The following CATSPERE variants were observed in gnomAD, a reference collection of about 807,000 sequenced individuals.
CATSPERE encodes cation channel sperm-associated auxiliary subunit epsilon.
In CATSPERE, 93 loss-of-function variants were observed where a neutral mutation model predicts 114.1. That is an observed-to-expected ratio of 0.81 (90% CI 0.69 to 0.97). The LOEUF (loss-of-function observed/expected upper bound fraction) is 0.97. CATSPERE is among the 50% of genes least tolerant of loss of function. CATSPERE has a pLI of 0.00. For synonymous variants in CATSPERE, 341 were observed against 384.1 expected (o/e 0.89, Z 1.31); for missense variants, 1,058 against 1,131.6 (o/e 0.93, Z 0.93).
chr1:244,461,539 C>T (rs955940146), intron 1 of CATSPERE, 45 bp downstream of exon 1: 2 of 1,261,722 alleles, frequency 1.6e-6, no homozygotes, highest in Non-Finnish European at 2.0e-6. Flanking sequence ...CGGGGATTAC[C>T]CCCGGCGGGG....
At chr1:244,525,944 T>G (rs1248924050) in intron 8 of CATSPERE, among the ~76,000 whole-genome samples, 1 of 152,226 alleles carries the variant, frequency 6.6e-6, no homozygotes, top group Admixed American at 6.5e-5. Flanking sequence ...GCCGTAGGCT[T>G]TTTCCAACCT....
At chr1:244,581,057 A>T (rs1301276776) in intron 11 of CATSPERE, among the ~76,000 whole-genome samples, 1 of 152,154 alleles carries the variant, frequency 6.6e-6, no homozygotes, top group Non-Finnish European at 1.5e-5. Flanking sequence ...TAGTTTCACA[A>T]CCTACATATG....
At chr1:244,537,976 A>G (rs1237235365) in intron 8 of CATSPERE, among the ~76,000 whole-genome samples, 1 of 152,130 alleles carries the variant, frequency 6.6e-6, no homozygotes, top group Non-Finnish European at 1.5e-5. Context: ...GGATTTTTCT[A>G]TTTCTCTTTG....
intron 8 of CATSPERE, among the ~76,000 whole-genome samples, chr1:244,534,335 T>C (rs1558447176): frequency 6.6e-6 from 1 of 152,162 alleles, no homozygotes; most frequent in Admixed American, 6.6e-5. Flanking sequence ...TGTTATTATC[T>C]CTTTGAATAA....
chr1:244,600,178 C>T (rs574114500), intron 17 of CATSPERE, among the ~76,000 whole-genome samples: 2 of 152,146 alleles, frequency 1.3e-5, no homozygotes, highest in East Asian at 1.9e-4. Context: ...AGAAAGAAGG[C>T]GGACTCTCAG....
At chr1:244,514,445 T>G (rs745862448) in intron 7 of CATSPERE, among the ~76,000 whole-genome samples, 7 of 152,336 alleles carry the variant, frequency 4.6e-5, no homozygotes, top group Non-Finnish European at 1.0e-4. Context: ...TTCTATGTGA[T>G]GTATTCACTC....
intron 5 of CATSPERE, among the ~76,000 whole-genome samples, chr1:244,487,690 G>C (rs144093307): frequency 6.6e-6 from 1 of 152,216 alleles, no homozygotes; most frequent in African/African-American, 2.4e-5. Flanking sequence ...GCAGCTTGTG[G>C]GACAGGGATT....
At chr1:244,472,791 C>A (rs1480313948) in intron 2 of CATSPERE, among the ~76,000 whole-genome samples, 2 of 152,168 alleles carry the variant, frequency 1.3e-5, no homozygotes, top group African/African-American at 4.8e-5. Context: ...CAATCCTCCC[C>A]CTCCCCAGCC....
At chr1:244,510,809 TTTC>T (rs1036890780) in intron 7 of CATSPERE, among the ~76,000 whole-genome samples, 3 of 143,042 alleles carry the variant, frequency 2.1e-5, no homozygotes, top group Non-Finnish European at 3.1e-5. Flanking sequence ...ATAACATTTC[TTTC>T]TTTTTTTTTT....
chr1:244,568,622 T>G lies in CATSPERE; in HGVS notation c.1508-3708T>G, dbSNP rs575914790. Among the ~76,000 whole-genome samples the G allele has an allele frequency of 6.6e-6, 1 of 152,226 alleles. No homozygotes were observed. Among genetic ancestry groups the G allele is most frequent in the East Asian group, 1.9e-4 (1 of 5,166 alleles). ...TGGGCTCCGCCCAGTTAGAACTTCC[T>G]GGCAGCTTTATTTCCACTGTGAGGG... On this transcript the variant is annotated intron_variant, in intron 10 of 21. Transcript: ENST00000366534. This position sits in a 1 kb window ranked among gnomAD's most constrained non-coding sequence, Gnocchi z 4.4.
chr1:244,570,666 A>G (rs183477549), intron 10 of CATSPERE, among the ~76,000 whole-genome samples: 37 of 152,370 alleles, frequency 2.4e-4, no homozygotes, highest in Middle Eastern at 6.8e-3. Flanking sequence ...TAAGGTTTGT[A>G]GTCAGCAGTG....
At chr1:244,637,344 A>T (rs1449077310) in intron 21 of CATSPERE, among the ~76,000 whole-genome samples, 1 of 151,916 alleles carries the variant, frequency 6.6e-6, no homozygotes, top group Non-Finnish European at 1.5e-5. Flanking sequence ...GTCAAGCCCC[A>T]CCATCAGTGT....
intron 13 of CATSPERE, among the ~76,000 whole-genome samples, chr1:244,584,783 C>G (rs1386930157): frequency 6.6e-6 from 1 of 152,144 alleles, no homozygotes; most frequent in Non-Finnish European, 1.5e-5. Flanking sequence ...GGGCAAGGTT[C>G]CATACATTTA....
Position 244,461,421 on chromosome 1 carries a change from G to A in CATSPERE, c.-9G>A, listed in dbSNP as rs1666745630. ...GCCGAGGCGGTTGGGCGGAGGCGGA[G>A]CAGGCGCCATGTCAGCCCGGGAAGT... On this transcript the variant is annotated 5_prime_UTR_variant, in exon 1 of 22. Transcript: ENST00000366534. The A allele has an allele frequency of 2.9e-6, 4 of 1,372,780 alleles. No homozygotes were observed. In the East Asian group the frequency reaches 9.0e-5, roughly 31 times the overall value. 85.0% of individuals were successfully genotyped at this position (1,372,780 alleles called of 1,614,324 possible). A position where few individuals can be genotyped will look rare whatever the true frequency, so the allele number is the denominator to read the frequency against.
At chr1:244,606,687 C>T (rs538144065) in intron 18 of CATSPERE, among the ~76,000 whole-genome samples, 1 of 151,406 alleles carries the variant, frequency 6.6e-6, no homozygotes, top group East Asian at 1.9e-4. Flanking sequence ...CTGCAACCTC[C>T]ACCTCCTGGG....
chr1:244,609,703 C>T lies in CATSPERE; in HGVS notation c.2404-537C>T, dbSNP rs78252665. Reference sequence around the variant, plus strand: ...AAGAAAAACATAAAACTGTCATATTCGCAGATGACACAACTGTTCATGTGA... The same window carrying T: ...AAGAAAAACATAAAACTGTCATATTTGCAGATGACACAACTGTTCATGTGA... On this transcript the variant is annotated intron_variant, in intron 18 of 21. Coordinates refer to ENST00000366534, the MANE Select transcript of CATSPERE (RefSeq NM_001130957.2). Among the ~76,000 whole-genome samples, 509 of 152,218 alleles carry T rather than the reference C, an allele frequency of 3.3e-3. 3 individuals are homozygous for T. Among genetic ancestry groups the T allele is most frequent in the African/African-American group, 0.012 (482 of 41,514 alleles).
chr1:244,481,865 G>A (rs987630616), intron 5 of CATSPERE, among the ~76,000 whole-genome samples: 1 of 152,178 alleles, frequency 6.6e-6, no homozygotes, highest in Admixed American at 6.5e-5. Context: ...AAGGTTTGTT[G>A]TTAAAGCCAC....
rs1383969552 is a variant in CATSPERE at position 244,621,159 on chromosome 1, T to G, written c.2648+3473T>G. Among the ~76,000 whole-genome samples, 5 of 71,552 alleles carry G rather than the reference T, an allele frequency of 7.0e-5. 2 individuals carry two copies. In the Admixed American group the frequency reaches 1.1e-3, roughly 15 times the overall value. 46.9% of individuals were successfully genotyped at this position (71,552 alleles called of 152,430 possible). On this transcript the variant is annotated intron_variant, in intron 20 of 21. Coordinates refer to ENST00000366534, the MANE Select transcript of CATSPERE (RefSeq NM_001130957.2). ...TATAAAATATATATATTATAAAATA[T>G]ATATATTATATATAGATATATTTAT...
intron 9 of CATSPERE, among the ~76,000 whole-genome samples, chr1:244,555,862 C>T (rs1441304172): frequency 2.0e-4 from 30 of 152,062 alleles, no homozygotes; most frequent in Non-Finnish European, 1.5e-5. Flanking sequence ...ATAAATTTAA[C>T]AAAGGATGTG....
Sources: allele counts gnomAD v4.1 joint callset (sites outside exome capture counted in the v4.1 genomes callset), GRCh38; gene constraint gnomAD v4.1.1; non-coding constraint Gnocchi (gnomAD v3.1); transcripts MANE v1.5; gene names NCBI Gene and HGNC (gene_info 2026-07-23, HGNC 2026-07-21).